Variants in PTPRG observed in about 807,000 individuals in gnomAD.
The protein encoded by PTPRG is receptor-type tyrosine-protein phosphatase gamma.
Under a neutral mutation model 165.3 loss-of-function variants are expected in PTPRG, and 102 were observed. The ratio of observed to expected loss-of-function variants is 0.62; its 90% CI spans 0.53 to 0.73. PTPRG has a LOEUF of 0.73. Among genes scored for constraint, PTPRG ranks in the 30% least tolerant of loss-of-function variants. The pLI, the probability that PTPRG is intolerant of heterozygous loss-of-function variation, is 0.00. For missense variants in PTPRG, 1,866 were observed against 1,861.4 expected (o/e 1.00, Z -0.05); for synonymous variants, 675 against 669.5 (o/e 1.01, Z -0.13).
At chr3:61,870,417 A>G (rs2037533043) in intron 2 of PTPRG, among the ~76,000 whole-genome samples, 1 of 142,278 alleles carries the variant, frequency 7.0e-6, no homozygotes, top group South Asian at 2.2e-4. Context: ...GGTTCAAGCA[A>G]TTCTCCTGCC....
chr3:62,109,149 G>A (rs564362428), intron 5 of PTPRG, among the ~76,000 whole-genome samples: 60 of 152,252 alleles, frequency 3.9e-4, no homozygotes, highest in African/African-American at 1.3e-3. Flanking sequence ...TATTGCCCAG[G>A]TTTTCTTCTA....
In PTPRG at chr3:61,762,687, C is replaced by T. The variant is rs1017875377; in HGVS notation, c.190+13705C>T. ...CCTAAATTCCCACGGAAGTCATTTC[C>T]GGGAGTATGAATGAGTATAAGGATT... On this transcript the variant is annotated intron_variant, in intron 2 of 29. Transcript: ENST00000474889. 3.3e-5 allele frequency among the ~76,000 whole-genome samples: 5 copies of T among 152,056 alleles called. No homozygotes were observed. The East Asian group carries it at 5.8e-4, about 18-fold the overall frequency.
intron 2 of PTPRG, among the ~76,000 whole-genome samples, chr3:61,907,439 T>G (rs972343097): frequency 6.6e-6 from 1 of 152,216 alleles, no homozygotes; most frequent in Non-Finnish European, 1.5e-5. Flanking sequence ...CTCTGAAAGC[T>G]GCCTCCATCA....
At chr3:61,747,258 G>A (rs1334589928) in intron 1 of PTPRG, among the ~76,000 whole-genome samples, 1 of 152,040 alleles carries the variant, frequency 6.6e-6, no homozygotes, top group African/African-American at 2.4e-5. Flanking sequence ...AGGAAATTGA[G>A]GCTCAACCAC....
chr3:61,646,259 G>A (rs931244046), intron 1 of PTPRG, among the ~76,000 whole-genome samples: 11 of 152,034 alleles, frequency 7.2e-5, no homozygotes, highest in African/African-American at 1.9e-4. Flanking sequence ...GTCCCACCAC[G>A]CCACCACGCT....
intron 1 of PTPRG, among the ~76,000 whole-genome samples, chr3:61,611,665 G>A (rs1483084824): frequency 6.6e-6 from 1 of 152,166 alleles, no homozygotes; most frequent in East Asian, 1.9e-4. Context: ...GAGCCCAATA[G>A]ACATTTTCAA....
At chr3:61,745,638 C>T (rs531024047) in intron 1 of PTPRG, among the ~76,000 whole-genome samples, 2 of 152,292 alleles carry the variant, frequency 1.3e-5, no homozygotes, top group East Asian at 1.9e-4. Flanking sequence ...GTAGCAGAAC[C>T]GTACCTTTTA....
intron 16 of PTPRG, chr3:62,261,222 C>T (rs560330795): frequency 1.3e-5 from 2 of 152,300 alleles, no homozygotes; most frequent in Admixed American, 6.5e-5. Context: ...AAAGGTGTGA[C>T]CTTCAAAACC....
At chr3:61,637,925 G>A (rs1194020188) in intron 1 of PTPRG, among the ~76,000 whole-genome samples, 1 of 127,994 alleles carries the variant, frequency 7.8e-6, no homozygotes, top group Admixed American at 7.7e-5. Flanking sequence ...TATTTATTCA[G>A]ACTGGATCTC....
chr3:61,574,392 G>A (rs1459497639), intron 1 of PTPRG, among the ~76,000 whole-genome samples: 1 of 152,194 alleles, frequency 6.6e-6, no homozygotes, highest in Non-Finnish European at 1.5e-5. Context: ...ATGTGCACAG[G>A]CAGAAGCTAA....
Position 62,243,787 on chromosome 3 carries a change from T to C in PTPRG, c.2376-20T>C, listed in dbSNP as rs957983670. 1.3e-5 allele frequency: 19 copies of C among 1,465,654 alleles called. No individual in the cohort carries two copies. The highest frequency in any genetic ancestry group is 4.5e-5 in the East Asian group (2 of 44,022). 90.8% of individuals were successfully genotyped at this position (1,465,654 alleles called of 1,614,324 possible). On this transcript the variant is annotated intron_variant, in intron 14 of 29. Coordinates refer to ENST00000474889, the MANE Select transcript of PTPRG (RefSeq NM_002841.4). ...TAAAGTATATTCTATTATTGACATG[T>C]TTTTCTCTTTTCTACACAGAAAATG...
At chr3:62,135,108 A>G (rs377060402) in intron 6 of PTPRG, among the ~76,000 whole-genome samples, 53 of 151,960 alleles carry the variant, frequency 3.5e-4, no homozygotes, top group African/African-American at 1.2e-3. Context: ...CCTTGTCTCT[A>G]CAAAAAAATA....
chr3:62,213,081 C>G lies in PTPRG; in HGVS notation c.2156-5770C>G, dbSNP rs999286030. On this transcript the variant is annotated intron_variant, in intron 12 of 29. Coordinates refer to ENST00000474889, the MANE Select transcript of PTPRG (RefSeq NM_002841.4). The surrounding 1 kb of genome is among the most constrained non-coding windows in gnomAD (Gnocchi z 4.4). ...GCAAACCCCCAGTAACTGGGCAGCT[C>G]AGTTCTGCTGGACCCTTCAGGAGGC... Among the ~76,000 whole-genome samples the G allele has an allele frequency of 6.6e-6, 1 of 152,162 alleles. No homozygotes were observed. The highest frequency in any genetic ancestry group is 2.4e-5 in the African/African-American group (1 of 41,440).
At chr3:62,141,223 T>C (rs73096569) in intron 6 of PTPRG, among the ~76,000 whole-genome samples, 15,191 of 152,164 alleles carry the variant, frequency 0.1, 998 homozygotes, top group East Asian at 0.36. Flanking sequence ...GATCACTCTT[T>C]AGAAAATAGT....
At chr3:61,911,722 T>C (rs1326240715) in intron 2 of PTPRG, among the ~76,000 whole-genome samples, 1 of 152,188 alleles carries the variant, frequency 6.6e-6, no homozygotes, top group Admixed American at 6.5e-5. Flanking sequence ...ATAAATTAAT[T>C]TCTTTTTTCC....
At chr3:62,123,169 G>A (rs983994107) in intron 5 of PTPRG, among the ~76,000 whole-genome samples, 6 of 152,182 alleles carry the variant, frequency 3.9e-5, no homozygotes, top group South Asian at 4.1e-4. Context: ...GATCTCATCC[G>A]AAAGTTCAAC....
intron 15 of PTPRG, among the ~76,000 whole-genome samples, chr3:62,248,340 T>C (rs1701336614): frequency 6.6e-6 from 1 of 152,146 alleles, no homozygotes; most frequent in Admixed American, 6.5e-5. Context: ...ACTCAATATA[T>C]TTCACTAAGG....
intron 26 of PTPRG, among the ~76,000 whole-genome samples, chr3:62,279,107 T>A (rs992649217): frequency 2.6e-5 from 4 of 152,062 alleles, no homozygotes; most frequent in Non-Finnish European, 5.9e-5. Context: ...AGTTTCATCA[T>A]TGCACAGTTT....
At chr3:62,143,146 G>T (rs2106649093) in intron 6 of PTPRG, among the ~76,000 whole-genome samples, 1 of 152,246 alleles carries the variant, frequency 6.6e-6, no homozygotes, top group Non-Finnish European at 1.5e-5. Context: ...TTTGTTGAAG[G>T]GGCAAGTGAA....
Sources: gnomAD v4.1 joint callset for allele counts (sites outside exome capture counted in the v4.1 genomes callset) on GRCh38, gnomAD v4.1.1 for gene constraint, Gnocchi (gnomAD v3.1) non-coding constraint, MANE v1.5 for transcripts, NCBI Gene and HGNC (gene_info 2026-07-23, HGNC 2026-07-21) for gene names.